The following KLHL1 variants were observed in gnomAD, a reference collection of about 807,000 sequenced individuals.
KLHL1 encodes kelch-like protein 1.
Under a neutral mutation model 77.7 loss-of-function variants are expected in KLHL1, and 47 were observed. That is an observed-to-expected ratio of 0.60 (90% CI 0.48 to 0.77). The LOEUF is 0.77. KLHL1 is among the 30% of genes least tolerant of loss of function. The pLI is 0.00. For synonymous variants in KLHL1, 360 were observed against 325.2 expected, an observed-to-expected ratio of 1.11 and a Z score of -1.15; for missense variants, 925 against 910.8, an observed-to-expected ratio of 1.02 and a Z score of -0.20.
At chr13:70,077,969 G>A (rs1297169692) in intron 1 of KLHL1, among the ~76,000 whole-genome samples, 1 of 151,964 alleles carries the variant, frequency 6.6e-6, no homozygotes, top group Non-Finnish European at 1.5e-5. Context: ...GTAAAATTCA[G>A]TCCATATTTA....
chr13:69,747,448 C>T (rs1336151734), intron 7 of KLHL1, among the ~76,000 whole-genome samples: 2 of 151,900 alleles, frequency 1.3e-5, no homozygotes, highest in African/African-American at 2.4e-5. Flanking sequence ...ATAATTATCT[C>T]ATGGTATTAT....
intron 5 of KLHL1, among the ~76,000 whole-genome samples, chr13:69,860,531 G>T (rs1395491272): frequency 6.6e-6 from 1 of 151,924 alleles, no homozygotes; most frequent in African/African-American, 2.4e-5. Flanking sequence ...TGAATCCAAA[G>T]TCTTAAATAT....
chr13:69,740,105 C>T (rs1490750599), intron 8 of KLHL1, among the ~76,000 whole-genome samples: 1 of 152,114 alleles, frequency 6.6e-6, no homozygotes, highest in African/African-American at 2.4e-5. Flanking sequence ...ATATTGAACA[C>T]CAAACTTTTA....
At chr13:69,952,345 A>C (rs1330160621) in intron 3 of KLHL1, among the ~76,000 whole-genome samples, 1 of 151,414 alleles carries the variant, frequency 6.6e-6, no homozygotes, top group Non-Finnish European at 1.5e-5. Context: ...AGACAAATGC[A>C]AAATAGTTTT....
At chr13:69,909,845 G>T (rs527333196) in intron 4 of KLHL1, among the ~76,000 whole-genome samples, 1 of 152,036 alleles carries the variant, frequency 6.6e-6, no homozygotes, top group African/African-American at 2.4e-5. Context: ...TACTGTTTTT[G>T]CTTGTTTTGT....
At chr13:69,855,381 T>G (rs1322059672) in intron 5 of KLHL1, among the ~76,000 whole-genome samples, 8,768 of 140,838 alleles carry the variant, frequency 0.062, 412 homozygotes, top group Non-Finnish European at 0.072. Context: ...GATAGATCTA[T>G]AGATAGAGAT....
intron 8 of KLHL1, among the ~76,000 whole-genome samples, 186 bp downstream of exon 8, chr13:69,740,207 TG>T (rs1873927449): frequency 6.6e-6 from 1 of 152,244 alleles, no homozygotes; most frequent in African/African-American, 2.4e-5. Flanking sequence ...CATCAATTAA[TG>T]TGAAGCAATT....
At chr13:69,855,956 T>C (rs1879902530) in intron 5 of KLHL1, among the ~76,000 whole-genome samples, 2 of 147,522 alleles carry the variant, frequency 1.4e-5, no homozygotes, top group Non-Finnish European at 3.0e-5. Context: ...TTATATATGT[T>C]ATAACATATA....
At chr13:70,073,377 G>A (rs1402953370) in intron 1 of KLHL1, among the ~76,000 whole-genome samples, 3 of 152,070 alleles carry the variant, frequency 2.0e-5, no homozygotes, top group Non-Finnish European at 4.4e-5. Context: ...TTGGACACAG[G>A]AAGGGGAACA....
chr13:70,064,727 C>T (rs1229434419), intron 1 of KLHL1, among the ~76,000 whole-genome samples: 1 of 152,050 alleles, frequency 6.6e-6, no homozygotes, highest in African/African-American at 2.4e-5. Flanking sequence ...TTAACTTAGC[C>T]ACCTGCTAAT....
intron 1 of KLHL1, among the ~76,000 whole-genome samples, chr13:70,060,752 A>G (rs1886860905): frequency 6.6e-6 from 1 of 152,090 alleles, no homozygotes; most frequent in Non-Finnish European, 1.5e-5. Flanking sequence ...AGGCTGAGGC[A>G]AGAGAATCAC....
intron 7 of KLHL1, among the ~76,000 whole-genome samples, chr13:69,752,991 G>T (rs919161832): frequency 6.6e-6 from 1 of 152,114 alleles, no homozygotes; most frequent in Non-Finnish European, 1.5e-5. Flanking sequence ...CTTTTAAGAC[G>T]TGGGTCTTCC....
At chr13:69,855,961 C>T (rs2325244) in intron 5 of KLHL1, among the ~76,000 whole-genome samples, 23,369 of 145,682 alleles carry the variant, frequency 0.16, 2,378 homozygotes, top group African/African-American at 0.28. Context: ...TATGTTATAA[C>T]ATATATAATA....
chr13:69,961,204 C>A (rs1333538142), intron 3 of KLHL1, 104 bp downstream of exon 3: 6 of 1,060,734 alleles, frequency 5.7e-6, no homozygotes, highest in Non-Finnish European at 4.0e-6. Context: ...TGAAAAGATA[C>A]AGAATACAGA....
intron 8 of KLHL1, among the ~76,000 whole-genome samples, chr13:69,730,907 A>C (rs928631248): frequency 2.0e-5 from 3 of 152,072 alleles, no homozygotes; most frequent in Non-Finnish European, 4.4e-5. Flanking sequence ...CTATTATTGT[A>C]AGTTTTACTA....
intron 4 of KLHL1, among the ~76,000 whole-genome samples, chr13:69,920,181 T>A (rs1044598230): frequency 2.4e-4 from 37 of 152,128 alleles, no homozygotes; most frequent in Non-Finnish European, 2.6e-4. Context: ...GAGTTTTTTT[T>A]AAAGAGTTCT....
intron 4 of KLHL1, among the ~76,000 whole-genome samples, chr13:69,936,184 G>A (rs1883183553): frequency 6.6e-6 from 1 of 152,170 alleles, no homozygotes; most frequent in African/African-American, 2.4e-5. Flanking sequence ...TTAAGTAAGA[G>A]TGAAGGAACC....
chr13:70,061,897 G>A (rs1886898575), intron 1 of KLHL1, among the ~76,000 whole-genome samples: 1 of 152,140 alleles, frequency 6.6e-6, no homozygotes, highest in East Asian at 1.9e-4. Flanking sequence ...TCAAATCAGG[G>A]TCATCAGCAT....
chr13:69,991,151 G>A, intron 1 of KLHL1, among the ~76,000 whole-genome samples: 1 of 151,818 alleles, frequency 6.6e-6, no homozygotes, highest in Non-Finnish European at 1.5e-5. Context: ...ACACAGCTAA[G>A]GCATTGTGAA....
Sources: allele counts gnomAD v4.1 joint callset (sites outside exome capture counted in the v4.1 genomes callset), GRCh38; gene constraint gnomAD v4.1.1; transcripts MANE v1.5; gene names NCBI Gene and HGNC (gene_info 2026-07-23, HGNC 2026-07-21).